The following PRLR variants were observed in gnomAD, a reference collection of about 807,000 sequenced individuals.
PRLR encodes the protein prolactin receptor, also known as hPRL receptor.
In PRLR, 13 loss-of-function variants were observed where a neutral mutation model predicts 40.2. That is an observed-to-expected ratio of 0.32 (90% CI 0.21 to 0.51). The LOEUF is 0.51. PRLR is among the 20% of genes least tolerant of loss of function. The pLI is 0.97. For synonymous variants in PRLR, 269 were observed against 278.7 expected, an observed-to-expected ratio of 0.97 and a Z score of 0.35; for missense variants, 656 against 747.3, an observed-to-expected ratio of 0.88 and a Z score of 1.42.
intron 1 of PRLR, among the ~76,000 whole-genome samples, chr5:35,149,266 T>A (rs1774274512): frequency 6.6e-6 from 1 of 152,274 alleles, no homozygotes; most frequent in South Asian, 2.1e-4. Context: ...TCAGTTTTGT[T>A]TGTGGTTTTG....
At chr5:35,161,039 A>T (rs558968384) in intron 1 of PRLR, among the ~76,000 whole-genome samples, 1 of 152,364 alleles carries the variant, frequency 6.6e-6, no homozygotes, top group East Asian at 1.9e-4. Context: ...ATTACATTTT[A>T]TAGAGGCCAT....
At chr5:35,141,875 T>C (rs1774035427) in intron 1 of PRLR, among the ~76,000 whole-genome samples, 1 of 152,234 alleles carries the variant, frequency 6.6e-6, no homozygotes, top group Non-Finnish European at 1.5e-5. Context: ...ATGACAGCAC[T>C]TGTTACATTG....
chr5:35,180,745 C>T (rs1045219307), intron 1 of PRLR, among the ~76,000 whole-genome samples: 2 of 152,158 alleles, frequency 1.3e-5, no homozygotes, highest in Non-Finnish European at 2.9e-5. Context: ...CTCTCCCCAC[C>T]CCATGACAGG....
chr5:35,091,707 C>T lies in PRLR; in HGVS notation c.-43-2044G>A, dbSNP rs138357763. ...TGAGTAGGGGCAGGAGAGCCAGAGCCGAGAGAGGCCTTCTCAGCTACTGCC... is the reference window on the plus strand; with the variant it reads ...TGAGTAGGGGCAGGAGAGCCAGAGCTGAGAGAGGCCTTCTCAGCTACTGCC... On this transcript the variant is annotated intron_variant, in intron 2 of 9. Coordinates refer to ENST00000618457, the MANE Select transcript of PRLR (RefSeq NM_000949.7). Among the ~76,000 whole-genome samples, 177 of 152,224 alleles carry T rather than the reference C, an allele frequency of 1.2e-3. 1 individual carries two copies. Among genetic ancestry groups the T allele is most frequent in the African/African-American group, 4.2e-3 (173 of 41,534 alleles).
chr5:35,133,320 G>A (rs531246749), intron 1 of PRLR, among the ~76,000 whole-genome samples: 1 of 152,170 alleles, frequency 6.6e-6, no homozygotes, highest in South Asian at 2.1e-4. Context: ...CTCCTCTCAT[G>A]TATACCTATA....
intron 1 of PRLR, among the ~76,000 whole-genome samples, chr5:35,164,369 G>C (rs546956278): frequency 6.6e-6 from 1 of 152,130 alleles, no homozygotes; most frequent in Non-Finnish European, 1.5e-5. Flanking sequence ...TTTACTAAGG[G>C]TGCTCAGGGA....
chr5:35,167,478 G>A (rs1774874783), intron 1 of PRLR, among the ~76,000 whole-genome samples: 2 of 152,012 alleles, frequency 1.3e-5, no homozygotes, highest in Non-Finnish European at 2.9e-5. Flanking sequence ...CATACCAGCA[G>A]CTCTGAACTA....
chr5:35,154,430 T>C (rs1774428203), intron 1 of PRLR, among the ~76,000 whole-genome samples: 1 of 152,226 alleles, frequency 6.6e-6, no homozygotes, highest in African/African-American at 2.4e-5. Context: ...TATCTATTTA[T>C]GTATTTATGA....
At chr5:35,105,319 C>T (rs1014648598) in intron 2 of PRLR, among the ~76,000 whole-genome samples, 2 of 152,210 alleles carry the variant, frequency 1.3e-5, no homozygotes, top group African/African-American at 4.8e-5. Context: ...TGCCTCTTCT[C>T]CTCCAAAGGA....
chr5:35,181,548 C>A (rs1775297832), intron 1 of PRLR, among the ~76,000 whole-genome samples: 1 of 152,176 alleles, frequency 6.6e-6, no homozygotes, highest in Non-Finnish European at 1.5e-5. Context: ...CCTTCTTCAT[C>A]CCTTAATAGA....
chr5:35,225,882 G>A (rs551220821), intron 1 of PRLR, among the ~76,000 whole-genome samples: 178 of 152,220 alleles, frequency 1.2e-3, no homozygotes, highest in Non-Finnish European at 1.9e-3. Flanking sequence ...GGGTTTCACC[G>A]TGTTCCCCAG....
downstream of PRLR, among the ~76,000 whole-genome samples, chr5:35,054,728 C>T (rs1201486191): frequency 1.3e-5 from 2 of 152,064 alleles, no homozygotes; most frequent in African/African-American, 4.8e-5. Context: ...ATTTGTATCT[C>T]AAAAACCCAA....
chr5:35,090,791 CTTTTTTTTTTTTTTTTTT>C (rs554800498), intron 2 of PRLR, among the ~76,000 whole-genome samples: 36 of 59,152 alleles, frequency 6.1e-4, no homozygotes, highest in Non-Finnish European at 1.1e-3. Context: ...TCAATTAGCT[CTTTTTTTTTTTTTTTTTT>C]TTTTTTTTTT....
chr5:35,138,551 T>C (rs1379788668), intron 1 of PRLR, among the ~76,000 whole-genome samples: 2 of 152,230 alleles, frequency 1.3e-5, no homozygotes, highest in African/African-American at 4.8e-5. Context: ...ATTAGTCATG[T>C]GAAAGGCACA....
intron 1 of PRLR, among the ~76,000 whole-genome samples, chr5:35,164,900 G>C (rs1774776643): frequency 6.6e-6 from 1 of 152,126 alleles, no homozygotes; most frequent in Non-Finnish European, 1.5e-5. Flanking sequence ...AATAAGATTT[G>C]ATAAGATTGA....
chr5:35,098,274 G>A (rs1269930478), intron 2 of PRLR, among the ~76,000 whole-genome samples: 3 of 152,116 alleles, frequency 2.0e-5, no homozygotes, highest in African/African-American at 7.2e-5. Flanking sequence ...CTGCCCTTAG[G>A]ATGTCACAGA....
intron 9 of PRLR, among the ~76,000 whole-genome samples, chr5:35,066,865 G>A (rs534786413): frequency 4.7e-5 from 7 of 148,214 alleles, no homozygotes; most frequent in Admixed American, 6.9e-5. Flanking sequence ...CCGGGTTCAC[G>A]CCATTCTCCT....
chr5:35,065,555 C>A lies in PRLR; in HGVS notation c.1403G>T (p.Arg468Ile), dbSNP rs1769309092. ...CTGCTGGGTTGCCTTTCCCTCTTCT[C>A]TAGACTTAATGGTTTGAGAGGATTT... is the stretch of plus-strand genomic sequence containing the variant. ...ALKSSQTIKS[R>I]EEGKATQQRE... The change falls in exon 10 of 10, where the codon AGA (arginine) becomes ATA (isoleucine). Residue 468 changes from arginine to isoleucine, a missense_variant. Transcript: ENST00000618457. The A allele has an allele frequency of 1.9e-6, 3 of 1,613,974 alleles. No homozygotes were observed. Among genetic ancestry groups the A allele is most frequent in the Non-Finnish European group, 1.7e-6 (2 of 1,180,030 alleles).
intron 8 of PRLR, among the ~76,000 whole-genome samples, chr5:35,049,690 T>G (rs578168500): frequency 1.3e-5 from 2 of 152,160 alleles, no homozygotes; most frequent in Non-Finnish European, 1.5e-5. Context: ...GTCTTCATAT[T>G]TTTTGTTTAA....
Sources: gnomAD v4.1 joint callset for allele counts (sites outside exome capture counted in the v4.1 genomes callset) on GRCh38, gnomAD v4.1.1 for gene constraint, MANE v1.5 for transcripts, NCBI Gene and HGNC (gene_info 2026-07-23, HGNC 2026-07-21) for gene names.